Variants in CNBD1 observed in about 807,000 individuals in gnomAD.
CNBD1 encodes the protein cyclic nucleotide binding domain containing 1.
In CNBD1, 71 loss-of-function variants were observed where a neutral mutation model predicts 54.4. The observed-to-expected ratio is 1.30, with a 90% CI of 1.08 to 1.59. CNBD1 has a LOEUF of 1.59. Ranked by LOEUF, CNBD1 falls within the 40% of genes most tolerant of loss-of-function variation. CNBD1 has a pLI of 0.00. For missense variants in CNBD1, 659 were observed against 518.0 expected, an observed-to-expected ratio of 1.27 and a Z score of -2.64; for synonymous variants, 182 against 170.7, an observed-to-expected ratio of 1.07 and a Z score of -0.51.
chr8:86,910,293 A>AT (rs1809081025), intron 3 of CNBD1, among the ~76,000 whole-genome samples: 1 of 152,162 alleles, frequency 6.6e-6, no homozygotes, highest in Non-Finnish European at 1.5e-5. Context: ...CCCTGCTCAT[A>AT]TTTGTAGATT....
intron 5 of CNBD1, among the ~76,000 whole-genome samples, chr8:87,213,872 T>A (rs546307030): frequency 1.5e-3 from 235 of 152,214 alleles, no homozygotes; most frequent in Non-Finnish European, 2.5e-3. Flanking sequence ...AAAAGCAAAT[T>A]TCTTACTTCC....
intron 10 of CNBD1, among the ~76,000 whole-genome samples, chr8:87,367,613 G>A (rs577669919): frequency 3.4e-4 from 52 of 152,200 alleles, no homozygotes; most frequent in African/African-American, 1.2e-3. Context: ...TTACCTTGAA[G>A]TATTCACTGT....
At chr8:87,131,800 C>G (rs1008559278) in intron 4 of CNBD1, among the ~76,000 whole-genome samples, 1 of 151,970 alleles carries the variant, frequency 6.6e-6, no homozygotes, top group Non-Finnish European at 1.5e-5. Context: ...ACCACCTCAA[C>G]TCAACTTCTG....
intron 4 of CNBD1, among the ~76,000 whole-genome samples, chr8:87,078,924 C>T (rs1810930163): frequency 6.6e-6 from 1 of 152,044 alleles, no homozygotes; most frequent in African/African-American, 2.4e-5. Flanking sequence ...ATTATTTCAT[C>T]CAATTAAAGT....
intron 1 of CNBD1, among the ~76,000 whole-genome samples, chr8:86,878,105 T>TGTGTGTGTGAGAGA (rs56785226): frequency 7.1e-5 from 10 of 140,874 alleles, no homozygotes; most frequent in South Asian, 4.8e-4. Context: ...TGTGTGTGTG[T>TGTGTGTGTGAGAGA]GAGAGAGAGA....
Position 87,307,009 on chromosome 8 carries a change from T to C in CNBD1, c.1042+20338T>C, listed in dbSNP as rs926759238. On this transcript the variant is annotated intron_variant, in intron 8 of 10. Transcript: ENST00000518476. ...TAAATAAATGACCTAACCTCAAAAATAAATAAAATGATAGGAAAAAATAAA... is the reference window on the plus strand; with the variant it reads ...TAAATAAATGACCTAACCTCAAAAACAAATAAAATGATAGGAAAAAATAAA... 3.3e-5 allele frequency among the ~76,000 whole-genome samples: 5 copies of C among 152,092 alleles called. No individual in the cohort carries two copies. In the East Asian group the frequency reaches 9.6e-4, roughly 29 times the overall value.
chr8:86,989,300 AATAAATAC>A (rs1253000519), intron 4 of CNBD1, among the ~76,000 whole-genome samples: 130 of 59,030 alleles, frequency 2.2e-3, no homozygotes, highest in African/African-American at 8.9e-3. Flanking sequence ...TCTCAAAACA[AATAAATAC>A]ATACATACAT....
chr8:86,931,713 G>A (rs1365245965), intron 3 of CNBD1, among the ~76,000 whole-genome samples: 1 of 152,058 alleles, frequency 6.6e-6, no homozygotes, highest in African/African-American at 2.4e-5. Flanking sequence ...TTTGTTCAGG[G>A]CCCAGGACTA....
chr8:86,978,316 AC>A, intron 4 of CNBD1, among the ~76,000 whole-genome samples: 1 of 152,278 alleles, frequency 6.6e-6, no homozygotes. Context: ...TGAGAAAACA[AC>A]AACAATATTA....
chr8:87,354,610 T>A (rs112275165), intron 10 of CNBD1, among the ~76,000 whole-genome samples: 1 of 151,038 alleles, frequency 6.6e-6, no homozygotes, highest in East Asian at 2.0e-4. Flanking sequence ...CCTGTGTCCA[T>A]GTGTTCTCAT....
At chr8:87,150,597 G>A (rs1812583554) in intron 4 of CNBD1, among the ~76,000 whole-genome samples, 1 of 152,166 alleles carries the variant, frequency 6.6e-6, no homozygotes, top group South Asian at 2.1e-4. Context: ...TGTAATAGAG[G>A]TCAAAATTAT....
At chr8:86,867,375 A>G (rs1808380295) in intron 1 of CNBD1, among the ~76,000 whole-genome samples, 1 of 152,144 alleles carries the variant, frequency 6.6e-6, no homozygotes, top group Non-Finnish European at 1.5e-5. Context: ...TTTATTATTC[A>G]TTGGGCAGAT....
intron 2 of CNBD1, among the ~76,000 whole-genome samples, chr8:87,396,998 A>G (rs1423647904): frequency 6.6e-6 from 1 of 151,330 alleles, no homozygotes; most frequent in African/African-American, 2.4e-5. Flanking sequence ...TTTCCCAAAC[A>G]TGTATTTTAA....
intron 4 of CNBD1, among the ~76,000 whole-genome samples, chr8:87,192,194 A>AT (rs1189812684): frequency 2.6e-5 from 4 of 152,036 alleles, no homozygotes; most frequent in Non-Finnish European, 4.4e-5. Context: ...TAAAATTATA[A>AT]TTTTTTTCTA....
chr8:87,045,851 C>A (rs1282870226), intron 4 of CNBD1, among the ~76,000 whole-genome samples: 3 of 151,648 alleles, frequency 2.0e-5, no homozygotes, highest in South Asian at 2.1e-4. Context: ...ACCATCCTGG[C>A]GAACATCGTG....
At chr8:87,324,967 G>A (rs1424443766) in intron 8 of CNBD1, among the ~76,000 whole-genome samples, 2 of 106,298 alleles carry the variant, frequency 1.9e-5, no homozygotes, top group Non-Finnish European at 3.9e-5. Context: ...TCTACACACT[G>A]CTTTGAATGC....
intron 6 of CNBD1, among the ~76,000 whole-genome samples, chr8:87,262,781 T>A (rs1808169613): frequency 6.6e-6 from 1 of 152,218 alleles, no homozygotes; most frequent in South Asian, 2.1e-4. Context: ...AAGATCCTTA[T>A]CTGTTCTGTT....
chr8:87,399,299 G>A (rs755797884), intron 2 of CNBD1, among the ~76,000 whole-genome samples: 2 of 151,994 alleles, frequency 1.3e-5, no homozygotes, highest in Non-Finnish European at 2.9e-5. Context: ...AGCCATGGCA[G>A]GGTTAGCCTT....
intron 3 of CNBD1, among the ~76,000 whole-genome samples, chr8:86,924,887 A>G (rs1563823807): frequency 6.6e-6 from 1 of 152,122 alleles, no homozygotes; most frequent in Non-Finnish European, 1.5e-5. Context: ...TGGAAAATGT[A>G]TTGCTACTTT....
Sources: allele counts gnomAD v4.1 joint callset (sites outside exome capture counted in the v4.1 genomes callset), GRCh38; gene constraint gnomAD v4.1.1; transcripts MANE v1.5; gene names NCBI Gene and HGNC (gene_info 2026-07-23, HGNC 2026-07-21).